Variants in ELAPOR1 observed in about 807,000 individuals in gnomAD.
ELAPOR1 encodes the protein endosome-lysosome associated apoptosis and autophagy regulator 1, also known as endosome/lysosome-associated apoptosis and autophagy regulator 1.
ELAPOR1 carries 77 observed loss-of-function variants against 119.7 expected under a neutral mutation model. The ratio of observed to expected loss-of-function variants is 0.64; its 90% CI spans 0.54 to 0.78. ELAPOR1 has a LOEUF of 0.78. Ranked by LOEUF, ELAPOR1 falls within the 30% of genes least tolerant of loss-of-function variation. The pLI is 0.00. For missense variants in ELAPOR1, 1,115 were observed against 1,270.4 expected (o/e 0.88, Z 1.86); for synonymous variants, 481 against 487.2 (o/e 0.99, Z 0.17).
chr1:109,182,658 C>G (rs602358), intron 7 of ELAPOR1, among the ~76,000 whole-genome samples: 123,172 of 151,892 alleles, frequency 0.81, 50,553 homozygotes, highest in East Asian at 1. Context: ...ACGAGGTCAG[C>G]AGATCGAGAC....
At position 109,205,605 on chromosome 1, in the gene ELAPOR1, CA is replaced by C. The variant is rs527712853; in HGVS notation, c.*2594del. On this transcript the variant is annotated 3_prime_UTR_variant, in exon 22 of 22. Transcript: ENST00000369939. ...TCCAGCCTAAAGTCTTCTGTAGCCT[CA>C]GCAATACTTGGGCACCTGCTGTCTC... is the stretch of plus-strand genomic sequence containing the variant. 9.5e-4 allele frequency: 145 copies of C among 152,340 alleles called. No individual in the cohort carries two copies. The highest frequency in any genetic ancestry group is 3.4e-3 in the African/African-American group (141 of 41,568). The allele number at this position is 152,340 out of a possible 1,614,324, so 9.4% of individuals were successfully genotyped here. A position where few individuals can be genotyped will look rare whatever the true frequency, so the allele number is the denominator to read the frequency against.
At chr1:109,156,562 A>G (rs1207569248) in intron 1 of ELAPOR1, among the ~76,000 whole-genome samples, 1 of 152,242 alleles carries the variant, frequency 6.6e-6, no homozygotes, top group Non-Finnish European at 1.5e-5. Flanking sequence ...TGTACCTTGT[A>G]TAAGTAGAAT....
chr1:109,149,554 C>G (rs1009601327), intron 1 of ELAPOR1, among the ~76,000 whole-genome samples: 1 of 152,130 alleles, frequency 6.6e-6, no homozygotes, highest in Non-Finnish European at 1.5e-5. Context: ...GCACAGCTCC[C>G]GAGCTGTTCT....
At chr1:109,188,442 C>A in intron 9 of ELAPOR1, 88 bp downstream of exon 9, 1 of 1,419,630 alleles carries the variant, frequency 7.0e-7, no homozygotes. Flanking sequence ...TGAATGCAGA[C>A]TCTGCCCTTC....
At chr1:109,130,397 C>G (rs1388728154) in intron 1 of ELAPOR1, among the ~76,000 whole-genome samples, 1 of 151,798 alleles carries the variant, frequency 6.6e-6, no homozygotes, top group Non-Finnish European at 1.5e-5. Context: ...GTAAGAGTCA[C>G]GGAGGGCTTC....
intron 7 of ELAPOR1, among the ~76,000 whole-genome samples, chr1:109,177,245 C>A (rs534041091): frequency 3.4e-5 from 5 of 146,254 alleles, no homozygotes; most frequent in East Asian, 2.1e-4. Context: ...CTGACCCCCC[C>A]ACCTCCCTCC....
intron 1 of ELAPOR1, among the ~76,000 whole-genome samples, chr1:109,139,069 G>A (rs565568945): frequency 1.8e-4 from 27 of 152,164 alleles, no homozygotes; most frequent in African/African-American, 6.3e-4. Flanking sequence ...GTTACCTCGT[G>A]GCTGGGCGCG....
At chr1:109,158,844 G>A (rs1271673629) in intron 1 of ELAPOR1, among the ~76,000 whole-genome samples, 1 of 151,660 alleles carries the variant, frequency 6.6e-6, no homozygotes, top group Non-Finnish European at 1.5e-5. Context: ...TATAATTGAG[G>A]AGTCCTGCCA....
intron 7 of ELAPOR1, among the ~76,000 whole-genome samples, chr1:109,182,644 G>T (rs1652765783): frequency 6.6e-6 from 1 of 152,140 alleles, no homozygotes; most frequent in Admixed American, 6.5e-5. Context: ...AAGGCAGGCG[G>T]ATCACGAGGT....
At chr1:109,153,489 A>G (rs1650660975) in intron 1 of ELAPOR1, among the ~76,000 whole-genome samples, 1 of 152,244 alleles carries the variant, frequency 6.6e-6, no homozygotes, top group Non-Finnish European at 1.5e-5. Flanking sequence ...GAAAAAAGTC[A>G]GAAAACAAAA....
chr1:109,117,995 T>C (rs1005104503), intron 1 of ELAPOR1, among the ~76,000 whole-genome samples: 1 of 151,880 alleles, frequency 6.6e-6, no homozygotes, highest in Non-Finnish European at 1.5e-5. Context: ...GGTGTGGTGG[T>C]GCATGCCTGT....
intron 7 of ELAPOR1, among the ~76,000 whole-genome samples, chr1:109,178,091 T>C (rs1652463618): frequency 6.7e-6 from 1 of 149,008 alleles, no homozygotes; most frequent in Non-Finnish European, 1.5e-5. Flanking sequence ...CTCACTGCAA[T>C]CTCTGCCTCC....
chr1:109,190,650 C>T (rs1024449986), intron 11 of ELAPOR1, among the ~76,000 whole-genome samples: 2 of 152,142 alleles, frequency 1.3e-5, no homozygotes, highest in Non-Finnish European at 2.9e-5. Flanking sequence ...GGTGAGCAAA[C>T]TTTTTAGGCT....
At chr1:109,127,730 A>G (rs1044861039) in intron 1 of ELAPOR1, among the ~76,000 whole-genome samples, 2 of 151,772 alleles carry the variant, frequency 1.3e-5, no homozygotes, top group Non-Finnish European at 2.9e-5. Flanking sequence ...ACACTTGGCT[A>G]ATTTTTAAAT....
At chr1:109,199,688 A>C (rs1344392521) in intron 18 of ELAPOR1, among the ~76,000 whole-genome samples, 166 bp from the exon 19 acceptor site, 1 of 152,248 alleles carries the variant, frequency 6.6e-6, no homozygotes, top group Non-Finnish European at 1.5e-5. Flanking sequence ...CAGTGAAATC[A>C]GAGATCAAAA....
rs1654516640 is a variant in ELAPOR1, at chr1:109,206,747, T to C, written c.*3735T>C. Reference sequence around the variant, plus strand: ...TAGAAGATGGGTTATTGCATGTCACTTTTTTTTTTTGTAAAATAAAAACAT... The same window carrying C: ...TAGAAGATGGGTTATTGCATGTCACCTTTTTTTTTTGTAAAATAAAAACAT... On this transcript the variant is annotated 3_prime_UTR_variant, in exon 22 of 22. Transcript: ENST00000369939. The C allele has an allele frequency of 6.8e-6, 1 of 147,018 alleles. No individual in the cohort carries two copies. Among genetic ancestry groups the C allele is most frequent in the African/African-American group, 2.5e-5 (1 of 40,312 alleles). The allele number at this position is 147,018 out of a possible 1,614,324, so 9.1% of individuals were successfully genotyped here. A position where few individuals can be genotyped will look rare whatever the true frequency, so the allele number is the denominator to read the frequency against.
intron 3 of ELAPOR1, among the ~76,000 whole-genome samples, chr1:109,165,776 A>C (rs1183898949): frequency 7.5e-6 from 1 of 133,712 alleles, no homozygotes; most frequent in Admixed American, 8.0e-5. Flanking sequence ...ACAGAGTCTC[A>C]CTCTGTCGCC....
chr1:109,151,070 G>C (rs1479444044), intron 1 of ELAPOR1, among the ~76,000 whole-genome samples: 1 of 152,130 alleles, frequency 6.6e-6, no homozygotes, highest in Non-Finnish European at 1.5e-5. Flanking sequence ...AAGGACCCCT[G>C]TCTTGTGGGA....
In ELAPOR1 at chr1:109,191,014, T is replaced by C. The variant is rs1030348792; in HGVS notation, c.1440-352T>C. Among the ~76,000 whole-genome samples the C allele has an allele frequency of 2.0e-5, 3 of 152,212 alleles. No individual in the cohort carries two copies. In the East Asian group the frequency reaches 5.8e-4, roughly 29 times the overall value. ...GGAGGAGCCTGAGGTTCTGCAGTTC[T>C]AATAAACTCTGGGAGATGGCCATGT... On this transcript the variant is annotated intron_variant, in intron 11 of 21. Transcript: ENST00000369939.
Sources: gnomAD v4.1 joint callset for allele counts (sites outside exome capture counted in the v4.1 genomes callset) on GRCh38, gnomAD v4.1.1 for gene constraint, MANE v1.5 for transcripts, NCBI Gene and HGNC (gene_info 2026-07-23, HGNC 2026-07-21) for gene names.